Variants in CNTN5 observed in about 807,000 individuals in gnomAD.
CNTN5 encodes contactin 5.
Under a neutral mutation model 129.1 loss-of-function variants are expected in CNTN5, and 77 were observed. The ratio of observed to expected loss-of-function variants is 0.60; its 90% CI spans 0.50 to 0.72. The LOEUF is 0.72. Ranked by LOEUF, CNTN5 falls within the 30% of genes least tolerant of loss-of-function variation. CNTN5 has a pLI of 0.00. For synonymous variants in CNTN5, 509 were observed against 465.6 expected, an observed-to-expected ratio of 1.09 and a Z score of -1.20; for missense variants, 1,478 against 1,328.8, an observed-to-expected ratio of 1.11 and a Z score of -1.75.
At chr11:99,278,396 A>G (rs1243564627) in intron 1 of CNTN5, among the ~76,000 whole-genome samples, 2 of 151,622 alleles carry the variant, frequency 1.3e-5, no homozygotes, top group African/African-American at 2.4e-5. Context: ...TCAGAATTCA[A>G]GTTTTTTCTC....
intron 1 of CNTN5, among the ~76,000 whole-genome samples, chr11:99,158,607 C>T (rs778081670): frequency 6.6e-6 from 1 of 152,000 alleles, no homozygotes; most frequent in Non-Finnish European, 1.5e-5. Context: ...ATGAAATGAA[C>T]GCGAGGTACC....
intron 2 of CNTN5, among the ~76,000 whole-genome samples, chr11:99,416,709 C>T (rs1360239976): frequency 6.6e-6 from 1 of 152,054 alleles, no homozygotes; most frequent in Non-Finnish European, 1.5e-5. Flanking sequence ...AAGGTAGCAA[C>T]GGGCATCATA....
At chr11:99,751,134 C>T (rs915044169) in intron 3 of CNTN5, among the ~76,000 whole-genome samples, 1 of 152,074 alleles carries the variant, frequency 6.6e-6, no homozygotes. Context: ...GTCAGGAGTT[C>T]GAGAACAGCC....
chr11:100,078,562 C>G (rs369606518), intron 13 of CNTN5, among the ~76,000 whole-genome samples: 1 of 152,030 alleles, frequency 6.6e-6, no homozygotes, highest in African/African-American at 2.4e-5. Context: ...AGCACTTTAA[C>G]GTTGTTGGTA....
At chr11:99,674,906 C>A (rs1231641535) in intron 3 of CNTN5, among the ~76,000 whole-genome samples, 1 of 152,114 alleles carries the variant, frequency 6.6e-6, no homozygotes, top group Non-Finnish European at 1.5e-5. Context: ...TTTCTCTTAC[C>A]CTTCCATCTT....
chr11:99,799,439 TGA>T (rs1025137643), intron 3 of CNTN5, among the ~76,000 whole-genome samples: 7 of 152,024 alleles, frequency 4.6e-5, no homozygotes, highest in Non-Finnish European at 7.4e-5. Flanking sequence ...GCCTTGTTTC[TGA>T]GAGTTTTTAT....
chr11:100,183,951 T>C (rs1034414838), intron 13 of CNTN5, among the ~76,000 whole-genome samples: 1 of 152,082 alleles, frequency 6.6e-6, no homozygotes, highest in Non-Finnish European at 1.5e-5. Context: ...ATTGGCCATT[T>C]CTTCAAGGTT....
At chr11:99,829,515 A>G (rs1309032077) in intron 4 of CNTN5, among the ~76,000 whole-genome samples, 2 of 152,180 alleles carry the variant, frequency 1.3e-5, no homozygotes, top group African/African-American at 4.8e-5. Flanking sequence ...TAAAATAAAG[A>G]AGAGAAATGG....
rs545499209 is a variant in CNTN5, at chr11:99,649,745, T to C, written c.55+93476T>C. Among the ~76,000 whole-genome samples the C allele has an allele frequency of 5.4e-4, 14 of 25,784 alleles. No homozygotes were observed. The South Asian group carries it at 0.011, about 19-fold the overall frequency. The allele number at this position is 25,784 out of a possible 152,430, so 16.9% of individuals were successfully genotyped here. On this transcript the variant is annotated intron_variant, in intron 3 of 24. Transcript: ENST00000524871. ...AGGAAATTTTTAGTGAAACATTAAG[T>C]TTTTTTCCTACAGAGCAAATAGTTT...
intron 2 of CNTN5, among the ~76,000 whole-genome samples, chr11:99,426,720 C>T (rs1002912064): frequency 3.9e-5 from 6 of 152,070 alleles, no homozygotes; most frequent in African/African-American, 1.4e-4. Context: ...CCATGTTAGT[C>T]CTTGGGCCTG....
At chr11:100,183,850 C>A (rs1321086540) in intron 13 of CNTN5, among the ~76,000 whole-genome samples, 2 of 152,134 alleles carry the variant, frequency 1.3e-5, no homozygotes, top group African/African-American at 4.8e-5. Flanking sequence ...ATGATTTTCA[C>A]AGGATACTAT....
intron 9 of CNTN5, among the ~76,000 whole-genome samples, chr11:100,029,722 T>C (rs1941609851): frequency 6.6e-6 from 1 of 152,228 alleles, no homozygotes; most frequent in South Asian, 2.1e-4. Context: ...ATGAAATGAT[T>C]AATGGACTAT....
At chr11:99,299,676 C>G (rs965825124) in intron 1 of CNTN5, among the ~76,000 whole-genome samples, 2 of 152,154 alleles carry the variant, frequency 1.3e-5, no homozygotes, top group African/African-American at 4.8e-5. Flanking sequence ...AGTTATTTCA[C>G]TAGGAGTGAT....
chr11:99,666,238 GATTAT>G (rs1952788274), intron 3 of CNTN5, among the ~76,000 whole-genome samples: 1 of 152,142 alleles, frequency 6.6e-6, no homozygotes, highest in South Asian at 2.1e-4. Flanking sequence ...GAAGTGCTTG[GATTAT>G]AGGCATGAGC....
At position 99,253,184 on chromosome 11, in the gene CNTN5, C is replaced by T. The variant is rs116031188; in HGVS notation, c.-209-72162C>T. ...GTGGATAAGTAGTGAATAAGTCTCA[C>T]GAGATTTGTTGGTTTTATAAATTGG... On this transcript the variant is annotated intron_variant, in intron 1 of 24. Transcript: ENST00000524871. Among the ~76,000 whole-genome samples, 492 of 152,102 alleles carry T rather than the reference C, an allele frequency of 3.2e-3. 2 individuals carry two copies. Among genetic ancestry groups the T allele is most frequent in the African/African-American group, 0.011 (474 of 41,512 alleles).
chr11:100,243,035 C>G (rs1949774338), intron 16 of CNTN5, among the ~76,000 whole-genome samples: 1 of 152,154 alleles, frequency 6.6e-6, no homozygotes, highest in Admixed American at 6.5e-5. Flanking sequence ...TAGGAATTCC[C>G]TTTGAAGCTT....
chr11:99,389,831 TATTTCTTAATG>T (rs1356326105), intron 2 of CNTN5, among the ~76,000 whole-genome samples: 1 of 152,196 alleles, frequency 6.6e-6, no homozygotes, highest in Non-Finnish European at 1.5e-5. Flanking sequence ...TTCATTTAGT[TATTTCTTAATG>T]ATTTCTTAAT....
At chr11:99,761,608 T>C (rs1409243111) in intron 3 of CNTN5, among the ~76,000 whole-genome samples, 2 of 152,146 alleles carry the variant, frequency 1.3e-5, no homozygotes, top group African/African-American at 4.8e-5. Context: ...TCCTTTTTTA[T>C]GGCTGCATAG....
At chr11:99,996,328 T>G (rs1242547816) in intron 8 of CNTN5, among the ~76,000 whole-genome samples, 1 of 152,196 alleles carries the variant, frequency 6.6e-6, no homozygotes, top group African/African-American at 2.4e-5. Flanking sequence ...CATCTCAGCA[T>G]AATGCAGCTT....
Sources: allele counts gnomAD v4.1 joint callset (sites outside exome capture counted in the v4.1 genomes callset), GRCh38; gene constraint gnomAD v4.1.1; transcripts MANE v1.5; gene names NCBI Gene and HGNC (gene_info 2026-07-23, HGNC 2026-07-21).